The following DTNB variants were observed in gnomAD, a reference collection of about 807,000 sequenced individuals.
DTNB encodes the protein dystrobrevin beta, also known as DTN-B.
DTNB carries 63 observed loss-of-function variants against 90.7 expected under a neutral mutation model. The ratio of observed to expected loss-of-function variants is 0.69; its 90% CI spans 0.57 to 0.86. The LOEUF (loss-of-function observed/expected upper bound fraction) is 0.86. Among genes scored for constraint, DTNB ranks in the 40% least tolerant of loss-of-function variants. The pLI is 0.00. For missense variants in DTNB, 744 were observed against 807.1 expected, an observed-to-expected ratio of 0.92 and a Z score of 0.95; for synonymous variants, 277 against 286.7, an observed-to-expected ratio of 0.97 and a Z score of 0.34.
intron 5 of DTNB, chr2:25,598,833 A>G (rs558025901): frequency 1.8e-4 from 27 of 152,272 alleles, no homozygotes; most frequent in Admixed American, 1.6e-3. Context: ...GGTATTGAAG[A>G]AAAAATTCTA....
chr2:25,441,564 T>A (rs956239360), intron 12 of DTNB, among the ~76,000 whole-genome samples: 1 of 152,224 alleles, frequency 6.6e-6, no homozygotes, highest in Non-Finnish European at 1.5e-5. Flanking sequence ...CATTAGCAAC[T>A]CAGTATCGTG....
chr2:25,586,853 C>T (rs755049301), intron 6 of DTNB, among the ~76,000 whole-genome samples: 6 of 152,172 alleles, frequency 3.9e-5, no homozygotes, highest in Non-Finnish European at 7.3e-5. Context: ...CTTTGACTCA[C>T]TCAAAACAGG....
rs188057129 is a variant in DTNB at position 25,424,892 on chromosome 2, C to T, written c.1554+2643G>A. Among the ~76,000 whole-genome samples the T allele has an allele frequency of 4.6e-5, 7 of 152,216 alleles. No homozygotes were observed. The highest frequency in any genetic ancestry group is 7.2e-5 in the African/African-American group (3 of 41,538). On this transcript the variant is annotated intron_variant, in intron 15 of 20. Coordinates refer to ENST00000406818, the MANE Select transcript of DTNB (RefSeq NM_021907.5). This position sits in a 1 kb window ranked among gnomAD's most constrained non-coding sequence, Gnocchi z 4.1. The stretch of plus-strand genomic sequence containing the variant: ...CATGTCAGCCAGGCTGAACTCCTGG[C>T]CTCAAGTGATCCACCCATCTTGGCC...
intron 5 of DTNB, among the ~76,000 whole-genome samples, chr2:25,606,329 G>C (rs529302340): frequency 1.3e-5 from 2 of 152,174 alleles, no homozygotes; most frequent in South Asian, 4.1e-4. Context: ...TTCCTACTCT[G>C]TGGCTACTGC....
At chr2:25,506,107 T>A (rs2072337016) in intron 9 of DTNB, among the ~76,000 whole-genome samples, 1 of 151,818 alleles carries the variant, frequency 6.6e-6, no homozygotes, top group South Asian at 2.1e-4. Context: ...AGGTAGAGAG[T>A]AGAATGATGG....
intron 4 of DTNB, among the ~76,000 whole-genome samples, chr2:25,625,713 G>A (rs1472759517): frequency 6.6e-6 from 1 of 151,622 alleles, no homozygotes; most frequent in African/African-American, 2.4e-5. Flanking sequence ...TTCTGAGTTT[G>A]GTCCTCCCAT....
intron 18 of DTNB, among the ~76,000 whole-genome samples, chr2:25,386,936 G>A (rs1382882794): frequency 1.3e-5 from 2 of 152,218 alleles, no homozygotes; most frequent in African/African-American, 4.8e-5. Context: ...TCAGAATGAG[G>A]TGGTCGGTCA....
At chr2:25,524,411 T>A (rs1309065185) in intron 9 of DTNB, among the ~76,000 whole-genome samples, 1 of 151,708 alleles carries the variant, frequency 6.6e-6, no homozygotes, top group Non-Finnish European at 1.5e-5. Context: ...CTTTTTTTTT[T>A]TTTTTTTTGG....
intron 9 of DTNB, among the ~76,000 whole-genome samples, chr2:25,484,295 C>A (rs1223382397): frequency 6.6e-6 from 1 of 152,200 alleles, no homozygotes; most frequent in African/African-American, 2.4e-5. Context: ...AGCTGAAAGT[C>A]CTTCTCTCAT....
At chr2:25,422,328 C>A (rs2049987021) in intron 15 of DTNB, among the ~76,000 whole-genome samples, 1 of 148,622 alleles carries the variant, frequency 6.7e-6, no homozygotes, top group African/African-American at 2.5e-5. Context: ...TAAGCATTTG[C>A]AAATGAGGTT....
rs868063289 is a variant in DTNB at position 25,449,252 on chromosome 2, G to C, written c.1257+2296C>G. On this transcript the variant is annotated intron_variant, in intron 12 of 20. Coordinates refer to ENST00000406818, the MANE Select transcript of DTNB (RefSeq NM_021907.5). Reference sequence around the variant, plus strand: ...GTTTATCTATTCTGTTGATAACTACGTGGGCTATTCCAGCTATTATGAATT... The same window carrying C: ...GTTTATCTATTCTGTTGATAACTACCTGGGCTATTCCAGCTATTATGAATT... Among the ~76,000 whole-genome samples, 3 of 152,238 alleles carry C rather than the reference G, an allele frequency of 2.0e-5. No homozygotes were observed. The South Asian group carries it at 6.2e-4, about 32-fold the overall frequency.
chr2:25,456,161 T>A (rs888983020), intron 10 of DTNB, among the ~76,000 whole-genome samples: 3 of 152,180 alleles, frequency 2.0e-5, no homozygotes, highest in Admixed American at 6.5e-5. Flanking sequence ...TATTAAAACT[T>A]GCATAAAATA....
intron 12 of DTNB, among the ~76,000 whole-genome samples, chr2:25,449,270 T>G (rs1445291332): frequency 6.6e-6 from 1 of 152,248 alleles, no homozygotes; most frequent in Admixed American, 6.5e-5. Context: ...TTCCAGCTAT[T>G]ATGAATTGAA....
chr2:25,503,399 G>A (rs2071372587), intron 9 of DTNB, among the ~76,000 whole-genome samples: 1 of 151,938 alleles, frequency 6.6e-6, no homozygotes, highest in Non-Finnish European at 1.5e-5. Context: ...AGGCTGAGGT[G>A]GGAGGATCAC....
intron 12 of DTNB, among the ~76,000 whole-genome samples, chr2:25,450,558 A>G (rs866826049): frequency 2.2e-4 from 33 of 152,302 alleles, no homozygotes; most frequent in Non-Finnish European, 2.8e-4. Flanking sequence ...AATACATTTT[A>G]AAAACAGTTT....
rs140933643 is a variant in DTNB at position 25,464,982 on chromosome 2, G to C, written c.1080-9488C>G. ...AGAAAGGGCATGAGTGGATAAACTAGTGAAACAGGAATAAAGTCTGGAACT... is the reference window on the plus strand; with the variant it reads ...AGAAAGGGCATGAGTGGATAAACTACTGAAACAGGAATAAAGTCTGGAACT... On this transcript the variant is annotated intron_variant, in intron 10 of 20. Coordinates refer to ENST00000406818, the MANE Select transcript of DTNB (RefSeq NM_021907.5). Among the ~76,000 whole-genome samples, 26 of 152,280 alleles carry C rather than the reference G, an allele frequency of 1.7e-4. No homozygotes were observed. The East Asian group carries it at 4.0e-3, about 24-fold the overall frequency.
chr2:25,458,469 C>T (rs775189055), intron 10 of DTNB, among the ~76,000 whole-genome samples: 10 of 151,230 alleles, frequency 6.6e-5, no homozygotes, highest in Non-Finnish European at 1.5e-4. Context: ...TTTCCTGGTA[C>T]GTAACATGTC....
rs568411847 is a variant in DTNB at position 25,469,907 on chromosome 2, A to C, written c.1079+12889T>G. On this transcript the variant is annotated intron_variant, in intron 10 of 20. Coordinates refer to ENST00000406818, the MANE Select transcript of DTNB (RefSeq NM_021907.5). ...AGAGAAGGCAAGAAACTCAGTGAGG[A>C]GGCCGTGCAATATCATCTGCTAAAA... Among the ~76,000 whole-genome samples, 4 of 152,328 alleles carry C rather than the reference A, an allele frequency of 2.6e-5. No individual in the cohort carries two copies. The South Asian group carries it at 8.3e-4, about 32-fold the overall frequency.
At chr2:25,557,098 G>T (rs1243063063) in intron 8 of DTNB, among the ~76,000 whole-genome samples, 2 of 152,200 alleles carry the variant, frequency 1.3e-5, no homozygotes, top group East Asian at 3.8e-4. Flanking sequence ...ACTGAAGTAG[G>T]AAGGAGTGTG....
Sources: gnomAD v4.1 joint callset for allele counts (sites outside exome capture counted in the v4.1 genomes callset) on GRCh38, gnomAD v4.1.1 for gene constraint, Gnocchi (gnomAD v3.1) non-coding constraint, MANE v1.5 for transcripts, NCBI Gene and HGNC (gene_info 2026-07-23, HGNC 2026-07-21) for gene names.